SLC12A8: variants seen among roughly 807,000 people sequenced by gnomAD.
The protein encoded by SLC12A8 is cation-chloride cotransporter 9.
In SLC12A8, 69 loss-of-function variants were observed where a neutral mutation model predicts 75.6. That is an observed-to-expected ratio of 0.91 (90% confidence interval 0.75 to 1.11). The LOEUF is 1.11. Ranked by LOEUF, SLC12A8 falls within the 50% of genes most tolerant of loss-of-function variation. SLC12A8 has a pLI of 0.00. For synonymous variants in SLC12A8, 365 were observed against 372.8 expected, an observed-to-expected ratio of 0.98 and a Z score of 0.24; for missense variants, 877 against 896.7, an observed-to-expected ratio of 0.98 and a Z score of 0.28.
Position 125,179,707 on chromosome 3 carries a change from G to A in SLC12A8, c.391-1733C>T, listed in dbSNP as rs1312142833. Among the ~76,000 whole-genome samples the A allele has an allele frequency of 0.026, 34 of 1,296 alleles. No individual in the cohort carries two copies. In the Admixed American group the frequency reaches 0.44, roughly 17 times the overall value. The allele number at this position is 1,296 out of a possible 152,430, so 0.9% of individuals were successfully genotyped here. ...GTGAGGGAAATACAATCATTTCTGA[G>A]AGAGAGAGAGAGAGAGAGAGAGAGA... On this transcript the variant is annotated intron_variant, in intron 4 of 13. Coordinates refer to ENST00000469902, the MANE Select transcript of SLC12A8 (RefSeq NM_024628.6).
intron 3 of SLC12A8, among the ~76,000 whole-genome samples, chr3:125,188,234 G>A (rs767514831): frequency 1.5e-4 from 23 of 152,170 alleles, no homozygotes; most frequent in Non-Finnish European, 4.4e-5. Flanking sequence ...CTCCGGCTAC[G>A]TGGCACGCTG....
chr3:125,158,729 T>G (rs1371324359), intron 5 of SLC12A8, among the ~76,000 whole-genome samples: 1 of 152,028 alleles, frequency 6.6e-6, no homozygotes, highest in Non-Finnish European at 1.5e-5. Context: ...TTTGGAAGGG[T>G]GTCACCATGC....
chr3:125,177,675 C>T lies in SLC12A8; in HGVS notation c.622+68G>A. The stretch of plus-strand genomic sequence containing the variant: ...TAGGGGGAGATGGGGTGGGCAAACT[C>T]ACACCTACAAACATCTCTAAAGCAG... On this transcript the variant is annotated intron_variant, in intron 5 of 13. Transcript: ENST00000469902. 4 of 1,340,260 alleles carry T rather than the reference C, an allele frequency of 3.0e-6. No individual in the cohort carries two copies. In the South Asian group the frequency reaches 4.9e-5, roughly 16 times the overall value. The allele number at this position is 1,340,260 out of a possible 1,614,324, so 83.0% of individuals were successfully genotyped here. A position where few individuals can be genotyped will look rare whatever the true frequency, so the allele number is the denominator to read the frequency against.
At chr3:125,110,650 G>T (rs2107744314) in intron 8 of SLC12A8, 1 of 213,252 alleles carries the variant, frequency 4.7e-6, no homozygotes, top group East Asian at 9.8e-5. Flanking sequence ...TTGGGGTGGG[G>T]CCTAGAAATC....
At position 125,201,899 on chromosome 3, in the gene SLC12A8, G is replaced by T. The variant is rs78854722; in HGVS notation, c.51+9400C>A. Reference sequence around the variant, plus strand: ...TGAATTGAATTATACTGAAGTATGTGTATTTCTTTTTAATTTAATTTTTTT... The same window carrying T: ...TGAATTGAATTATACTGAAGTATGTTTATTTCTTTTTAATTTAATTTTTTT... On this transcript the variant is annotated intron_variant, in intron 2 of 13. Transcript: ENST00000469902. Among the ~76,000 whole-genome samples the T allele has an allele frequency of 4.8e-3, 655 of 135,748 alleles. 5 individuals are homozygous for T. The highest frequency in any genetic ancestry group is 0.015 in the African/African-American group (610 of 39,578). 89.1% of individuals were successfully genotyped at this position (135,748 alleles called of 152,430 possible).
chr3:125,094,776 C>T lies in SLC12A8; in HGVS notation c.1706-2578G>A, dbSNP rs528877214. On this transcript the variant is annotated intron_variant, in intron 10 of 13. Coordinates refer to ENST00000469902, the MANE Select transcript of SLC12A8 (RefSeq NM_024628.6). The stretch of plus-strand genomic sequence containing the variant: ...CTCTATATCCCATTATTTCCTCAAC[C>T]CACTCTTATGATTGTATCTACTTTT... Among the ~76,000 whole-genome samples the T allele has an allele frequency of 8.5e-5, 13 of 152,320 alleles. No homozygotes were observed. In the South Asian group the frequency reaches 2.3e-3, roughly 27 times the overall value.
intron 5 of SLC12A8, among the ~76,000 whole-genome samples, chr3:125,155,602 T>A (rs1934029408): frequency 6.8e-6 from 1 of 146,732 alleles, no homozygotes. Context: ...AAACCCTGTC[T>A]CTACTAAAAA....
chr3:125,120,750 C>T, intron 6 of SLC12A8, 64 bp from the exon 7 acceptor site: 1 of 1,229,520 alleles, frequency 8.1e-7, no homozygotes, highest in Non-Finnish European at 1.2e-6. Context: ...TTCCCCAGGG[C>T]TGCCCCTTCC....
rs1219217536 is a variant in SLC12A8 at position 125,092,084 on chromosome 3, A to G, written c.1803+17T>C. ...CTCTGTCCCAAGAACAACTGAGATC[A>G]AGATGAAGTTACTCACCCCCAACAG... On this transcript the variant is annotated intron_variant, in intron 11 of 13. Coordinates refer to ENST00000469902, the MANE Select transcript of SLC12A8 (RefSeq NM_024628.6). 1 of 1,569,992 alleles carries G rather than the reference A, an allele frequency of 6.4e-7. No individual in the cohort carries two copies. The highest frequency in any genetic ancestry group is 8.8e-7 in the Non-Finnish European group (1 of 1,141,148).
At chr3:125,133,375 ACAC>A (rs1218585952) in intron 6 of SLC12A8, among the ~76,000 whole-genome samples, 3 of 52,860 alleles carry the variant, frequency 5.7e-5, no homozygotes, top group African/African-American at 7.5e-5. Context: ...ACACACACAC[ACAC>A]AATTTTTTTT....
intron 6 of SLC12A8, among the ~76,000 whole-genome samples, chr3:125,131,295 G>A (rs2981512): frequency 0.073 from 11,059 of 152,190 alleles, 486 homozygotes; most frequent in Admixed American, 0.095. Context: ...CAGCAGAATC[G>A]CTGGGGAAAA....
intron 6 of SLC12A8, among the ~76,000 whole-genome samples, chr3:125,121,856 A>T (rs1282023731): frequency 1.3e-5 from 2 of 152,182 alleles, no homozygotes; most frequent in African/African-American, 4.8e-5. Flanking sequence ...TATTTCAGAG[A>T]GAACCCTGAA....
chr3:125,112,752 T>C (rs1425139128), intron 8 of SLC12A8, among the ~76,000 whole-genome samples: 1 of 152,242 alleles, frequency 6.6e-6, no homozygotes, highest in Non-Finnish European at 1.5e-5. Context: ...TGAAATTTTA[T>C]CAAGAAAGAG....
chr3:125,092,853 G>T (rs1418053483), intron 10 of SLC12A8, among the ~76,000 whole-genome samples: 1 of 152,136 alleles, frequency 6.6e-6, no homozygotes, highest in African/African-American at 2.4e-5. Flanking sequence ...GTTTACAGCT[G>T]GCTCCAGAAG....
At chr3:125,151,136 C>T (rs1933910426) in intron 5 of SLC12A8, 1 of 152,206 alleles carries the variant, frequency 6.6e-6, no homozygotes, top group Non-Finnish European at 1.5e-5. Flanking sequence ...AAGCAAAAAA[C>T]AGTGAACATT....
intron 5 of SLC12A8, among the ~76,000 whole-genome samples, chr3:125,160,070 G>T (rs1934135092): frequency 6.6e-6 from 1 of 152,158 alleles, no homozygotes; most frequent in South Asian, 2.1e-4. Context: ...AGCCTTCTGA[G>T]TACCTGAGAC....
chr3:125,138,842 C>T (rs1933556960), intron 5 of SLC12A8, among the ~76,000 whole-genome samples: 1 of 117,560 alleles, frequency 8.5e-6, no homozygotes, highest in Non-Finnish European at 1.7e-5. Context: ...ACCCCTTCTA[C>T]AAAACACACA....
At chr3:125,204,832 A>G (rs1437765358) in intron 2 of SLC12A8, among the ~76,000 whole-genome samples, 1 of 152,186 alleles carries the variant, frequency 6.6e-6, no homozygotes, top group African/African-American at 2.4e-5. Context: ...AAAATATCAT[A>G]TGTACCCCCA....
intron 11 of SLC12A8, 107 bp downstream of exon 11, chr3:125,091,994 G>A (rs1328334865): frequency 2.9e-6 from 2 of 678,956 alleles, no homozygotes; most frequent in Non-Finnish European, 5.1e-6. Flanking sequence ...AAATCACATT[G>A]CTTCTAATTA....
Sources: allele counts gnomAD v4.1 joint callset (sites outside exome capture counted in the v4.1 genomes callset), GRCh38; gene constraint gnomAD v4.1.1; transcripts MANE v1.5; gene names NCBI Gene and HGNC (gene_info 2026-07-23, HGNC 2026-07-21).